The following STK10 variants were observed in gnomAD, a reference collection of about 807,000 sequenced individuals.
STK10 encodes the protein serine/threonine-protein kinase 10.
A neutral mutation model predicts 113.8 loss-of-function variants in STK10; 78 were observed. The ratio of observed to expected loss-of-function variants is 0.69; its 90% CI spans 0.57 to 0.83. The LOEUF is 0.83. Ranked by LOEUF, STK10 falls within the 40% of genes least tolerant of loss-of-function variation. The pLI is 0.00. For synonymous variants in STK10, 465 were observed against 494.7 expected (o/e 0.94, Z 0.80); for missense variants, 1,109 against 1,280.1 (o/e 0.87, Z 2.04).
At chr5:172,178,510 C>T (rs1038998430) in intron 1 of STK10, among the ~76,000 whole-genome samples, 7 of 152,182 alleles carry the variant, frequency 4.6e-5, no homozygotes, top group Non-Finnish European at 8.8e-5. Flanking sequence ...CAGGGGAGGC[C>T]GCCTTCTTAT....
chr5:172,178,355 T>C (rs557022101), intron 1 of STK10, among the ~76,000 whole-genome samples: 4 of 152,086 alleles, frequency 2.6e-5, no homozygotes, highest in Admixed American at 6.6e-5. Flanking sequence ...TGGCCTGGAC[T>C]TCCTTCCCTC....
intron 18 of STK10, among the ~76,000 whole-genome samples, chr5:172,049,707 T>C (rs571573231): frequency 6.6e-6 from 1 of 152,280 alleles, no homozygotes; most frequent in East Asian, 1.9e-4. Flanking sequence ...ACAAAAGCAA[T>C]GATGGGTAAA....
rs529343088 is a variant in STK10 at position 172,138,814 on chromosome 5, C to G, written c.322-11393G>C. ...GATCACGAGGTCAGGAGATCGAGAC[C>G]ATCCTGGCTAACACAGTGAAACCCC... On this transcript the variant is annotated intron_variant, in intron 2 of 18. Coordinates refer to ENST00000176763, the MANE Select transcript of STK10 (RefSeq NM_005990.4). Among the ~76,000 whole-genome samples the G allele has an allele frequency of 7.9e-5, 12 of 152,140 alleles. No homozygotes were observed. The South Asian group carries it at 2.3e-3, about 29-fold the overall frequency.
intron 2 of STK10, among the ~76,000 whole-genome samples, chr5:172,136,922 C>A (rs189635646): frequency 2.0e-5 from 3 of 151,846 alleles, no homozygotes; most frequent in Non-Finnish European, 4.4e-5. Flanking sequence ...GTTTGCTGCA[C>A]CCATCAACCC....
Position 172,044,908 on chromosome 5 carries a change from G to A in STK10, c.2881C>T (p.Pro961Ser). ...STPSKAAKFFPYSSADAS is the reference protein window; with the variant it reads ...STPSKAAKFFSYSSADAS ...TAAGAAGCATCCGCAGAACTGTAGG[G>A]GAAGAACTTGGCGGCCTTGCTTGGG... The change falls in exon 19 of 19, where the codon CCC becomes TCC. Residue 961 changes from proline (P) to serine (S), a missense_variant. This residue lies in a region of STK10 where 885 missense variants were observed against 991.1 expected (regional missense o/e 0.89). Coordinates refer to ENST00000176763, the MANE Select transcript of STK10 (RefSeq NM_005990.4). This position sits in a 1 kb window ranked among gnomAD's most constrained non-coding sequence, Gnocchi z 4.5. The A allele has an allele frequency of 6.2e-7, 1 of 1,614,240 alleles. No individual in the cohort carries two copies.
intron 15 of STK10, 172 bp downstream of exon 15, chr5:172,057,177 A>G: frequency 1.2e-6 from 1 of 822,740 alleles, no homozygotes; most frequent in Non-Finnish European, 1.9e-6. Flanking sequence ...GAGCTGAAGC[A>G]GGACGCCCCT....
intron 1 of STK10, among the ~76,000 whole-genome samples, chr5:172,180,455 A>C (rs1466277014): frequency 6.6e-6 from 1 of 151,828 alleles, no homozygotes; most frequent in Admixed American, 6.6e-5. Context: ...ACAGAGCAAG[A>C]CTTCGTCTCA....
intron 6 of STK10, 30 bp from the exon 7 acceptor site, chr5:172,105,767 G>T: frequency 6.2e-7 from 1 of 1,606,052 alleles, no homozygotes; most frequent in Non-Finnish European, 8.5e-7. Context: ...AGGTAAGCAT[G>T]GAGGAGGCAA....
chr5:172,176,800 C>T (rs954327712), intron 1 of STK10, among the ~76,000 whole-genome samples: 6 of 152,168 alleles, frequency 3.9e-5, no homozygotes, highest in African/African-American at 1.4e-4. Flanking sequence ...TGTTGAAATC[C>T]CAACCTCCAA....
At chr5:172,112,929 A>T (rs1326822559) in intron 4 of STK10, among the ~76,000 whole-genome samples, 5 of 151,616 alleles carry the variant, frequency 3.3e-5, no homozygotes, top group Non-Finnish European at 5.9e-5. Context: ...TATTTTTAGT[A>T]GAGACGGGGG....
chr5:172,082,953 G>C lies in STK10; in HGVS notation c.1809+8C>G. The C allele has an allele frequency of 6.2e-7, 1 of 1,612,042 alleles. No homozygotes were observed. The highest frequency in any genetic ancestry group is 1.9e-4 in the Middle Eastern group (1 of 5,370). On this transcript the variant is annotated splice_region_variant and intron_variant, in intron 11 of 18. Transcript: ENST00000176763. The surrounding 1 kb of genome is among the most constrained non-coding windows in gnomAD (Gnocchi z 4.3). ...GCCCTGCAGGGTCCCATCTTTTCTC[G>C]CACTCACGTTGATTTCCTGTTCAAA...
chr5:172,143,689 C>T (rs1770023625), intron 2 of STK10, among the ~76,000 whole-genome samples: 1 of 152,148 alleles, frequency 6.6e-6, no homozygotes. Context: ...ATGAAGCTCT[C>T]AACAGCAATA....
chr5:172,151,535 C>G (rs557758377), intron 2 of STK10, among the ~76,000 whole-genome samples: 22 of 152,184 alleles, frequency 1.4e-4, no homozygotes, highest in Non-Finnish European at 2.8e-4. Flanking sequence ...TTAGTAGAGA[C>G]GGGGTTTCAC....
intron 17 of STK10, among the ~76,000 whole-genome samples, chr5:172,053,902 C>T (rs577312824): frequency 2.6e-5 from 4 of 152,156 alleles, no homozygotes; most frequent in African/African-American, 7.2e-5. Context: ...AGGGATCACC[C>T]GAGGCAGGGA....
At chr5:172,135,865 A>G (rs1254234229) in intron 2 of STK10, among the ~76,000 whole-genome samples, 1 of 151,988 alleles carries the variant, frequency 6.6e-6, no homozygotes, top group Non-Finnish European at 1.5e-5. Flanking sequence ...TGTCTCTACT[A>G]AAAATACAAA....
Position 172,044,264 on chromosome 5 carries a change from C to T in STK10, c.*618G>A, listed in dbSNP as rs1767450659. ...TGAAACACGGGAGAAGCAGAATAAA[C>T]ATTTCAGCCTCCCTCTTTCCCCGGT... On this transcript the variant is annotated 3_prime_UTR_variant, in exon 19 of 19. Transcript: ENST00000176763. This position sits in a 1 kb window ranked among gnomAD's most constrained non-coding sequence, Gnocchi z 4.5. 1 of 155,288 alleles carries T rather than the reference C, an allele frequency of 6.4e-6. No individual in the cohort carries two copies. The highest frequency in any genetic ancestry group is 2.4e-5 in the African/African-American group (1 of 41,472). The allele number at this position is 155,288 out of a possible 1,614,324, so 9.6% of individuals were successfully genotyped here. A position where few individuals can be genotyped will look rare whatever the true frequency, so the allele number is the denominator to read the frequency against.
At chr5:172,065,031 G>A (rs1303186947) in intron 12 of STK10, among the ~76,000 whole-genome samples, 1 of 152,194 alleles carries the variant, frequency 6.6e-6, no homozygotes, top group African/African-American at 2.4e-5. Flanking sequence ...AACTCCCCCA[G>A]AGTGGGCAGG....
rs62381972 is a variant in STK10, at chr5:172,118,487, A to T, written c.371-857T>A. ...TGGAAGGCTGCCCAGAGGAAATGAC[A>T]TTTGGGCTATGTCTTAAAGGAAGAG... is the stretch of plus-strand genomic sequence containing the variant. On this transcript the variant is annotated intron_variant, in intron 3 of 18. Coordinates refer to ENST00000176763, the MANE Select transcript of STK10 (RefSeq NM_005990.4). Among the ~76,000 whole-genome samples, 747 of 152,262 alleles carry T rather than the reference A, an allele frequency of 4.9e-3. 5 individuals are homozygous for T. The highest frequency in any genetic ancestry group is 8.6e-3 in the Non-Finnish European group (585 of 68,024).
At chr5:172,130,601 G>C (rs941098146) in intron 2 of STK10, among the ~76,000 whole-genome samples, 2 of 151,668 alleles carry the variant, frequency 1.3e-5, no homozygotes, top group African/African-American at 2.4e-5. Context: ...GACACTTCCC[G>C]CTTCTCCAAC....
Sources: gnomAD v4.1 joint callset for allele counts (sites outside exome capture counted in the v4.1 genomes callset) on GRCh38, gnomAD v4.1.1 for gene constraint, gnomAD v4.1.1 regional missense constraint, Gnocchi (gnomAD v3.1) non-coding constraint, MANE v1.5 for transcripts, NCBI Gene and HGNC (gene_info 2026-07-23, HGNC 2026-07-21) for gene names.